PITPNC1: variants seen among roughly 807,000 people sequenced by gnomAD.
PITPNC1 encodes cytoplasmic phosphatidylinositol transfer protein 1.
A neutral mutation model predicts 44.7 loss-of-function variants in PITPNC1; 18 were observed. That is an observed-to-expected ratio of 0.40 (90% CI 0.28 to 0.60). The LOEUF is 0.60. Among genes scored for constraint, PITPNC1 ranks in the 20% least tolerant of loss-of-function variants. The pLI is 0.39. For synonymous variants in PITPNC1, 141 were observed against 149.6 expected (o/e 0.94, Z 0.42); for missense variants, 290 against 418.4 (o/e 0.69, Z 2.68).
At chr17:67,484,924 C>T (rs551636535) in intron 1 of PITPNC1, among the ~76,000 whole-genome samples, 3 of 151,768 alleles carry the variant, frequency 2.0e-5, no homozygotes, top group African/African-American at 4.8e-5. Context: ...GGTGACAGAG[C>T]GAGACTCCAT....
intron 1 of PITPNC1, among the ~76,000 whole-genome samples, chr17:67,440,685 G>A (rs989636058): frequency 9.3e-5 from 14 of 151,194 alleles, no homozygotes; most frequent in East Asian, 5.9e-4. Context: ...GGCATGCACC[G>A]TCATGCCTGG....
At chr17:67,674,182 C>CT (rs1401981093) in intron 7 of PITPNC1, among the ~76,000 whole-genome samples, 1 of 151,856 alleles carries the variant, frequency 6.6e-6, no homozygotes, top group Non-Finnish European at 1.5e-5. Flanking sequence ...CAATTACACT[C>CT]TTAAGTTATT....
At chr17:67,479,598 GCTT>G (rs2039677110) in intron 1 of PITPNC1, among the ~76,000 whole-genome samples, 1 of 152,088 alleles carries the variant, frequency 6.6e-6, no homozygotes, top group Admixed American at 6.6e-5. Flanking sequence ...ATGCCATACG[GCTT>G]CTTGGAACAA....
At chr17:67,571,995 G>C (rs539662624) in intron 4 of PITPNC1, among the ~76,000 whole-genome samples, 1 of 152,324 alleles carries the variant, frequency 6.6e-6, no homozygotes, top group Non-Finnish European at 1.5e-5. Context: ...TCTGTCTGCC[G>C]TGGGTTTTTC....
intron 1 of PITPNC1, among the ~76,000 whole-genome samples, chr17:67,424,334 AC>A (rs1405017646): frequency 6.6e-6 from 1 of 152,116 alleles, no homozygotes; most frequent in Non-Finnish European, 1.5e-5. Context: ...CCAAACTATA[AC>A]TATGCAAGAT....
chr17:67,647,462 G>GTTTTTTT (rs1491334449), intron 6 of PITPNC1, among the ~76,000 whole-genome samples: 3 of 96,250 alleles, frequency 3.1e-5, no homozygotes, highest in African/African-American at 1.6e-4. Context: ...AGCTAATTTT[G>GTTTTTTT]GGTTTTTTTT....
intron 1 of PITPNC1, among the ~76,000 whole-genome samples, chr17:67,506,855 C>T (rs983523666): frequency 2.6e-5 from 4 of 151,950 alleles, no homozygotes; most frequent in African/African-American, 9.7e-5. Context: ...TAATTTTCAT[C>T]GTATCTAAAA....
intron 5 of PITPNC1, among the ~76,000 whole-genome samples, chr17:67,624,464 G>A (rs1414858036): frequency 6.6e-6 from 1 of 151,996 alleles, no homozygotes; most frequent in African/African-American, 2.4e-5. Flanking sequence ...CTCACAAAGT[G>A]CTGGGATTAC....
chr17:67,494,389 A>G (rs1338969643), intron 1 of PITPNC1, among the ~76,000 whole-genome samples: 3 of 151,748 alleles, frequency 2.0e-5, no homozygotes, highest in Non-Finnish European at 4.4e-5. Context: ...TAATAGAGAC[A>G]GGGTTTCACC....
chr17:67,692,432 T>A, intron 8 of PITPNC1, 140 bp from the exon 9 acceptor site: 1 of 631,082 alleles, frequency 1.6e-6, no homozygotes, highest in Non-Finnish European at 2.8e-6. Context: ...GGTATTTCAA[T>A]GATACTTTGG....
At chr17:67,607,120 T>C (rs1275899427) in intron 5 of PITPNC1, among the ~76,000 whole-genome samples, 3 of 152,234 alleles carry the variant, frequency 2.0e-5, no homozygotes, top group African/African-American at 7.2e-5. Context: ...AACTTTGGGT[T>C]GCTATCTTTT....
chr17:67,385,478 C>T (rs1237055383), intron 1 of PITPNC1, among the ~76,000 whole-genome samples: 1 of 146,452 alleles, frequency 6.8e-6, no homozygotes, highest in Non-Finnish European at 1.5e-5. Flanking sequence ...GGCTGACCAC[C>T]CCTCCCCCCT....
intron 2 of PITPNC1, among the ~76,000 whole-genome samples, chr17:67,534,881 C>T (rs979478004): frequency 4.6e-5 from 7 of 152,054 alleles, no homozygotes; most frequent in African/African-American, 1.7e-4. Context: ...CTCAGGGCCT[C>T]GGACGTGGTT....
At chr17:67,589,958 A>G (rs2041368638) in intron 5 of PITPNC1, among the ~76,000 whole-genome samples, 1 of 152,002 alleles carries the variant, frequency 6.6e-6, no homozygotes, top group Admixed American at 6.6e-5. Context: ...ACAGAGTGAG[A>G]CTCTGTCTCA....
At chr17:67,394,680 G>C (rs144488760) in intron 1 of PITPNC1, among the ~76,000 whole-genome samples, 1 of 152,236 alleles carries the variant, frequency 6.6e-6, no homozygotes, top group African/African-American at 2.4e-5. Flanking sequence ...GAGGCGGGTG[G>C]ATCATGAGGT....
rs561551957 is a variant in PITPNC1, at chr17:67,523,472, A to G, written c.49-9330A>G. The stretch of plus-strand genomic sequence containing the variant: ...GGTGTACAGGTTTATTATACAATTT[A>G]TGAAGCATTTTAATTTTTAAGTTTT... On this transcript the variant is annotated intron_variant, in intron 1 of 8. Coordinates refer to ENST00000581322, the MANE Select transcript of PITPNC1 (RefSeq NM_012417.4). 1.3e-4 allele frequency among the ~76,000 whole-genome samples: 19 copies of G among 145,306 alleles called. No individual in the cohort carries two copies. In the South Asian group the frequency reaches 2.0e-3, roughly 15 times the overall value.
At chr17:67,518,573 A>C (rs2040286064) in intron 1 of PITPNC1, among the ~76,000 whole-genome samples, 1 of 152,200 alleles carries the variant, frequency 6.6e-6, no homozygotes, top group South Asian at 2.1e-4. Flanking sequence ...AAGTGATCCA[A>C]GAGAGAACCT....
At chr17:67,621,180 C>CATTTTATTTTATTTTATTTT (rs10653389) in intron 5 of PITPNC1, among the ~76,000 whole-genome samples, 23,085 of 129,678 alleles carry the variant, frequency 0.18, 2,791 homozygotes, top group East Asian at 0.33. Context: ...GTCTGAAGCA[C>CATTTTATTTTATTTTATTTT]ATTTTATTTT....
intron 1 of PITPNC1, among the ~76,000 whole-genome samples, chr17:67,436,548 C>T (rs1192238880): frequency 6.6e-6 from 1 of 152,022 alleles, no homozygotes; most frequent in Non-Finnish European, 1.5e-5. Context: ...ACGTACCGGA[C>T]AGGGCGTGGA....
Sources: gnomAD v4.1 joint callset for allele counts (sites outside exome capture counted in the v4.1 genomes callset) on GRCh38, gnomAD v4.1.1 for gene constraint, MANE v1.5 for transcripts, NCBI Gene and HGNC (gene_info 2026-07-23, HGNC 2026-07-21) for gene names.